Variants in ASTN1 observed in about 807,000 individuals in gnomAD.
The protein encoded by ASTN1 is astrotactin 1, also known as astrotactin-1.
A neutral mutation model predicts 140.7 loss-of-function variants in ASTN1; 41 were observed. The ratio of observed to expected loss-of-function variants is 0.29; its 90% CI spans 0.23 to 0.38. The LOEUF (loss-of-function observed/expected upper bound fraction) is 0.38. Among genes scored for constraint, ASTN1 ranks in the 10% least tolerant of loss-of-function variants. The pLI, the probability that ASTN1 is intolerant of heterozygous loss-of-function variation, is 1.00. For missense variants in ASTN1, 1,479 were observed against 1,678.8 expected, an observed-to-expected ratio of 0.88 and a Z score of 2.08; for synonymous variants, 640 against 652.2, an observed-to-expected ratio of 0.98 and a Z score of 0.29.
rs1307210028 is a variant in ASTN1, at chr1:177,057,747, T to G, written c.471+3331A>C. 9.8e-5 allele frequency among the ~76,000 whole-genome samples: 15 copies of G among 152,338 alleles called. No individual in the cohort carries two copies. In the East Asian group the frequency reaches 2.3e-3, roughly 23 times the overall value. On this transcript the variant is annotated intron_variant, in intron 2 of 22. Coordinates refer to ENST00000361833, the MANE Select transcript of ASTN1 (RefSeq NM_004319.3). ...TGAAAAAATAGTCTTGCTATTGTTA[T>G]TTCATAACTAAAGGGGTTTTGGTAA...
rs1013679771 is a variant in ASTN1, at chr1:177,099,563, G to T, written c.284-38298C>A. Among the ~76,000 whole-genome samples the T allele has an allele frequency of 2.0e-5, 3 of 152,160 alleles. No individual in the cohort carries two copies. The East Asian group carries it at 5.8e-4, about 29-fold the overall frequency. The stretch of plus-strand genomic sequence containing the variant: ...TAGCTGGTGCTTGATGAATTTTTCT[G>T]AATGAATAAATATTAATATTAAAAA... On this transcript the variant is annotated intron_variant, in intron 1 of 22. Coordinates refer to ENST00000361833, the MANE Select transcript of ASTN1 (RefSeq NM_004319.3).
intron 2 of ASTN1, among the ~76,000 whole-genome samples, chr1:177,034,554 C>T (rs182949625): frequency 6.6e-6 from 1 of 152,258 alleles, no homozygotes; most frequent in African/African-American, 2.4e-5. Flanking sequence ...CCACTCCCAT[C>T]CATCCTGGCA....
intron 1 of ASTN1, among the ~76,000 whole-genome samples, chr1:177,140,970 A>C (rs1682442767): frequency 6.6e-6 from 1 of 152,178 alleles, no homozygotes; most frequent in Non-Finnish European, 1.5e-5. Flanking sequence ...TAATCCCAGG[A>C]CTTTGGGAGG....
chr1:177,008,535 AAGAG>A (rs1186349293), intron 8 of ASTN1, among the ~76,000 whole-genome samples: 1 of 54,814 alleles, frequency 1.8e-5, no homozygotes, highest in African/African-American at 7.3e-5. Flanking sequence ...GAGGGAGAGG[AAGAG>A]AGAGAGGGAG....
chr1:177,097,041 C>CT (rs112999620), intron 1 of ASTN1, among the ~76,000 whole-genome samples: 4,592 of 148,180 alleles, frequency 0.031, 107 homozygotes, highest in East Asian at 0.11. Context: ...TGAATTTCTG[C>CT]TTTTTTTTTT....
chr1:176,969,151 C>G (rs934209700), intron 8 of ASTN1, among the ~76,000 whole-genome samples: 3 of 152,264 alleles, frequency 2.0e-5, no homozygotes, highest in Admixed American at 1.3e-4. Context: ...AAGAAACCCC[C>G]CCGCCTCCCC....
At chr1:177,089,257 A>G (rs996244395) in intron 1 of ASTN1, among the ~76,000 whole-genome samples, 4 of 152,176 alleles carry the variant, frequency 2.6e-5, no homozygotes, top group Non-Finnish European at 4.4e-5. Context: ...GGAGCTCACG[A>G]TAGAGGGTAG....
chr1:177,038,814 T>A (rs774011679), intron 2 of ASTN1, among the ~76,000 whole-genome samples: 4 of 152,150 alleles, frequency 2.6e-5, no homozygotes, highest in African/African-American at 4.8e-5. Flanking sequence ...TCTACATAAT[T>A]TGGTTTTTAA....
chr1:177,113,621 G>T (rs935171914), intron 1 of ASTN1, among the ~76,000 whole-genome samples: 3 of 152,028 alleles, frequency 2.0e-5, no homozygotes, highest in Admixed American at 6.5e-5. Flanking sequence ...CCTCCTTTTT[G>T]CTCTCACCTA....
chr1:176,873,897 G>T (rs551045571), intron 21 of ASTN1, among the ~76,000 whole-genome samples: 2 of 152,274 alleles, frequency 1.3e-5, no homozygotes, highest in African/African-American at 4.8e-5. Context: ...ACCCGAAGGA[G>T]CCCCGCATGG....
chr1:177,027,721 T>C (rs1252786336), intron 5 of ASTN1, among the ~76,000 whole-genome samples: 1 of 102,166 alleles, frequency 9.8e-6, no homozygotes, highest in African/African-American at 3.2e-5. Flanking sequence ...ACAGTGTGTG[T>C]GTGTGTGTGT....
intron 8 of ASTN1, among the ~76,000 whole-genome samples, chr1:177,003,993 GA>G (rs1674868685): frequency 6.6e-6 from 1 of 151,634 alleles, no homozygotes; most frequent in East Asian, 1.9e-4. Context: ...GCAAGACAAA[GA>G]AAAAAAGGGC....
chr1:176,872,626 C>T (rs1482153701), intron 21 of ASTN1, among the ~76,000 whole-genome samples: 1 of 152,144 alleles, frequency 6.6e-6, no homozygotes, highest in African/African-American at 2.4e-5. Flanking sequence ...CTTCCCATTC[C>T]AATCCCAGGC....
chr1:176,988,328 A>AAC (rs1375181760), intron 8 of ASTN1, among the ~76,000 whole-genome samples: 5 of 151,748 alleles, frequency 3.3e-5, no homozygotes, highest in African/African-American at 1.2e-4. Flanking sequence ...AAAAAAAAAA[A>AAC]AAAAACCTTT....
chr1:177,149,348 TATATATA>T (rs1682896443), intron 1 of ASTN1, among the ~76,000 whole-genome samples: 1 of 77,098 alleles, frequency 1.3e-5, no homozygotes, highest in Non-Finnish European at 2.1e-5. Flanking sequence ...ATATATAGTA[TATATATA>T]GTAAATATAT....
At chr1:176,865,328 G>A (rs1171951274) in intron 22 of ASTN1, among the ~76,000 whole-genome samples, 1 of 152,214 alleles carries the variant, frequency 6.6e-6, no homozygotes, top group African/African-American at 2.4e-5. Context: ...GGGCCAGAGT[G>A]TGAGAGCCTC....
At chr1:176,962,422 T>C (rs1244309351) in intron 9 of ASTN1, among the ~76,000 whole-genome samples, 2 of 152,230 alleles carry the variant, frequency 1.3e-5, no homozygotes, top group African/African-American at 4.8e-5. Context: ...GAAATGATTA[T>C]CTACATATAT....
In ASTN1 at chr1:177,073,531, C is replaced by T. The variant is rs559554443; in HGVS notation, c.284-12266G>A. ...ATTCCTCTCTTAGTCTGCCTTGTAT[C>T]AGGAGACTCATTCATATTTCTTTCA... is the stretch of plus-strand genomic sequence containing the variant. On this transcript the variant is annotated intron_variant, in intron 1 of 22. Transcript: ENST00000361833. Among the ~76,000 whole-genome samples, 103 of 149,692 alleles carry T rather than the reference C, an allele frequency of 6.9e-4. 1 individual carries two copies. The Middle Eastern group carries it at 0.024, about 35-fold the overall frequency.
rs1333542588 is a variant in ASTN1, at chr1:176,866,665, T to C, written c.3648-2144A>G. On this transcript the variant is annotated intron_variant, in intron 22 of 22. Transcript: ENST00000361833. ...CAGTGCTCACTTTAAATAATAATAA[T>C]TAATTTGGGATTGCCAAATTAATTT... Among the ~76,000 whole-genome samples the C allele has an allele frequency of 2.6e-5, 4 of 151,852 alleles. No homozygotes were observed. In the East Asian group the frequency reaches 7.7e-4, roughly 29 times the overall value.
Sources: gnomAD v4.1 joint callset for allele counts (sites outside exome capture counted in the v4.1 genomes callset) on GRCh38, gnomAD v4.1.1 for gene constraint, MANE v1.5 for transcripts, NCBI Gene and HGNC (gene_info 2026-07-23, HGNC 2026-07-21) for gene names.